Variants in SCIN observed in about 807,000 individuals in gnomAD.
SCIN encodes the protein scinderin.
In SCIN, 91 loss-of-function variants were observed where a neutral mutation model predicts 91.8. The ratio of observed to expected loss-of-function variants is 0.99; its 90% CI spans 0.84 to 1.18. The LOEUF is 1.18. SCIN is among the 50% of genes most tolerant of loss of function. The probability of loss-of-function intolerance (pLI) is 0.00; values close to 1 mark genes in which losing one functional copy is unlikely to be tolerated. For missense variants in SCIN, 1,087 were observed against 863.9 expected (o/e 1.26, Z -3.24); for synonymous variants, 367 against 312.6 (o/e 1.17, Z -1.84).
chr7:12,623,387 A>G (rs2115271610), intron 5 of SCIN, among the ~76,000 whole-genome samples: 1 of 152,318 alleles, frequency 6.6e-6, no homozygotes, highest in East Asian at 1.9e-4. Flanking sequence ...GCATTAACCT[A>G]CCTACTTCCA....
intron 4 of SCIN, among the ~76,000 whole-genome samples, chr7:12,614,298 A>G (rs908253101): frequency 6.6e-6 from 1 of 152,186 alleles, no homozygotes; most frequent in African/African-American, 2.4e-5. Flanking sequence ...CTTCTTATTA[A>G]CACAGGAATT....
At chr7:12,587,679 G>GCTAC (rs1782617922) in intron 3 of SCIN, among the ~76,000 whole-genome samples, 1 of 152,170 alleles carries the variant, frequency 6.6e-6, no homozygotes, top group Non-Finnish European at 1.5e-5. Flanking sequence ...TGGCTTGGAT[G>GCTAC]CTACCCTCAG....
Position 12,636,115 on chromosome 7 carries a change from C to T in SCIN, c.1390C>T (p.Leu464Phe). 1.9e-6 allele frequency: 3 copies of T among 1,612,806 alleles called. No individual in the cohort carries two copies. The highest frequency in any genetic ancestry group is 2.2e-5 in the South Asian group (2 of 90,694). The change falls in exon 10 of 16, where the codon CTT becomes TTT. Residue 464 changes from leucine (L) to phenylalanine (F), a missense_variant. Transcript: ENST00000297029. ...CCTGACTGTTCAGTTGGATCGGTCC[C>T]TTGGAGGACAGGCTGTGCAGGTTGG... Reference protein sequence around the residue: ...AFLTVQLDRSLGGQAVQIRVS... With the variant: ...AFLTVQLDRSFGGQAVQIRVS...
Position 12,625,818 on chromosome 7 carries a change from C to A in SCIN, c.949C>A (p.Leu317Ile), listed in dbSNP as rs758198327. The A allele has an allele frequency of 5.0e-6, 8 of 1,612,454 alleles. No individual in the cohort carries two copies. The highest frequency in any genetic ancestry group is 6.8e-6 in the Non-Finnish European group (8 of 1,178,832). The part of the protein sequence containing the change: ...KAAMKTAEEF[L>I]QQMNYSKNTQ... ...TGCAATGAAGACAGCTGAAGAATTT[C>A]TACAGCAAATGAATTATTCCAAGAA... Residue 317 changes from leucine to isoleucine, a missense_variant, in exon 7 of 16, where the codon CTA becomes ATA. Leu to Ile is a conservative substitution (Grantham distance 5, BLOSUM62 2). Transcript: ENST00000297029.
intron 4 of SCIN, among the ~76,000 whole-genome samples, chr7:12,621,977 A>T (rs903734573): frequency 6.6e-6 from 1 of 151,782 alleles, no homozygotes; most frequent in Non-Finnish European, 1.5e-5. Flanking sequence ...ACATCTTTGC[A>T]TTTTCTAAAC....
Position 12,625,966 on chromosome 7 carries a change from T to G in SCIN, c.981+116T>G, listed in dbSNP as rs1583307706. 6 of 635,868 alleles carry G rather than the reference T, an allele frequency of 9.4e-6. No individual in the cohort carries two copies. The East Asian group carries it at 1.8e-4, about 19-fold the overall frequency. The allele number at this position is 635,868 out of a possible 1,614,324, so 39.4% of individuals were successfully genotyped here. The stretch of plus-strand genomic sequence containing the variant: ...GTAACGTCTGTATGTGAAGTGATTC[T>G]CCACCTGCCTGTCTGCTGCAATCTG... On this transcript the variant is annotated intron_variant, in intron 7 of 15. Transcript: ENST00000297029.
intron 9 of SCIN, among the ~76,000 whole-genome samples, chr7:12,632,019 CTT>C (rs1234036803): frequency 6.6e-6 from 1 of 151,940 alleles, no homozygotes; most frequent in African/African-American, 2.4e-5. Flanking sequence ...AGAGGACAAA[CTT>C]TATTTTTAAG....
intron 4 of SCIN, among the ~76,000 whole-genome samples, chr7:12,621,120 A>G (rs1354910498): frequency 6.6e-6 from 1 of 152,174 alleles, no homozygotes; most frequent in Non-Finnish European, 1.5e-5. Context: ...TGATAAAGTG[A>G]ACATATTTAG....
intron 4 of SCIN, among the ~76,000 whole-genome samples, chr7:12,609,240 C>T (rs913869596): frequency 1.3e-5 from 2 of 152,070 alleles, no homozygotes; most frequent in East Asian, 1.9e-4. Context: ...CTTTTAAAAG[C>T]CCGTGTGCCT....
chr7:12,659,869 A>G lies in SCIN; in HGVS notation c.*7154A>G. 6.0e-6 allele frequency: 1 copy of G among 167,214 alleles called. No homozygotes were observed. The highest frequency in any genetic ancestry group is 1.3e-5 in the Non-Finnish European group (1 of 77,628). 10.4% of individuals were successfully genotyped at this position (167,214 alleles called of 1,614,324 possible). Reference sequence around the variant, plus strand: ...CATCCAGATGGCCTGAAGCAATTGAAGATCTACAAAAGAAGTGAAAATTAC... The same window carrying G: ...CATCCAGATGGCCTGAAGCAATTGAGGATCTACAAAAGAAGTGAAAATTAC... On this transcript the variant is annotated 3_prime_UTR_variant, in exon 16 of 16. Coordinates refer to ENST00000297029, the MANE Select transcript of SCIN (RefSeq NM_001112706.3).
intron 3 of SCIN, among the ~76,000 whole-genome samples, chr7:12,597,785 T>A (rs1412970316): frequency 3.9e-5 from 6 of 152,222 alleles, no homozygotes; most frequent in Admixed American, 3.9e-4. Flanking sequence ...ATTTCTTCCT[T>A]TTCCAATTGT....
At chr7:12,609,972 A>G (rs1783158219) in intron 4 of SCIN, among the ~76,000 whole-genome samples, 1 of 152,186 alleles carries the variant, frequency 6.6e-6, no homozygotes, top group Non-Finnish European at 1.5e-5. Flanking sequence ...GACTCTGCTT[A>G]CTTTATTGTC....
chr7:12,652,360 A>C (rs559937116), intron 15 of SCIN, among the ~76,000 whole-genome samples: 2 of 152,238 alleles, frequency 1.3e-5, no homozygotes, highest in Non-Finnish European at 2.9e-5. Flanking sequence ...CTTTCATGGC[A>C]GACGAGAGAA....
At chr7:12,625,293 C>T (rs529625479) in intron 6 of SCIN, among the ~76,000 whole-genome samples, 151 bp downstream of exon 6, 1 of 151,780 alleles carries the variant, frequency 6.6e-6, no homozygotes, top group East Asian at 1.9e-4. Context: ...CAGCCATTTT[C>T]CTCCTACCAA....
Position 12,626,569 on chromosome 7 carries a change from T to C in SCIN, c.982-15T>C. The C allele has an allele frequency of 2.0e-6, 3 of 1,492,844 alleles. No homozygotes were observed. The highest frequency in any genetic ancestry group is 2.7e-6 in the Non-Finnish European group (3 of 1,099,964). The allele number at this position is 1,492,844 out of a possible 1,614,324, so 92.5% of individuals were successfully genotyped here. A position where few individuals can be genotyped will look rare whatever the true frequency, so the allele number is the denominator to read the frequency against. On this transcript the variant is annotated splice_polypyrimidine_tract_variant and intron_variant, in intron 7 of 15. Transcript: ENST00000297029. ...TTATTTTCCTGTTTACTATTATTATTATTTTAAATTTCAGATTCAAGTTCT... is the reference window on the plus strand; with the variant it reads ...TTATTTTCCTGTTTACTATTATTATCATTTTAAATTTCAGATTCAAGTTCT...
chr7:12,611,892 C>A (rs1783199498), intron 4 of SCIN, among the ~76,000 whole-genome samples: 1 of 151,144 alleles, frequency 6.6e-6, no homozygotes, highest in Non-Finnish European at 1.5e-5. Flanking sequence ...CACTGCACTC[C>A]AGCCTGGGCA....
At position 12,651,769 on chromosome 7, in the gene SCIN, C is replaced by A. The variant is rs545115567; in HGVS notation, c.1960-72C>A. On this transcript the variant is annotated intron_variant, in intron 14 of 15. Coordinates refer to ENST00000297029, the MANE Select transcript of SCIN (RefSeq NM_001112706.3). The surrounding 1 kb of genome is among the most constrained non-coding windows in gnomAD (Gnocchi z 5.9). ...TTGAATGAGCAATGTGTGTGTGAAG[C>A]ACTTTACATAGGGCCTAGCACTGAG... 3.3e-6 allele frequency: 3 copies of A among 918,024 alleles called. No homozygotes were observed. The East Asian group carries it at 8.0e-5, about 24-fold the overall frequency. The allele number at this position is 918,024 out of a possible 1,614,324, so 56.9% of individuals were successfully genotyped here. A position where few individuals can be genotyped will look rare whatever the true frequency, so the allele number is the denominator to read the frequency against.
intron 3 of SCIN, among the ~76,000 whole-genome samples, chr7:12,586,335 A>G (rs1782585991): frequency 6.6e-6 from 1 of 152,222 alleles, no homozygotes; most frequent in Non-Finnish European, 1.5e-5. Context: ...AAAAATGCTG[A>G]ACATCACTAA....
At chr7:12,571,101 C>G in intron 1 of SCIN, 116 bp downstream of exon 1, 2 of 1,153,806 alleles carry the variant, frequency 1.7e-6, no homozygotes, top group Non-Finnish European at 2.4e-6. Flanking sequence ...GCTAGCCACT[C>G]GCGCCCCCAC....
Sources: allele counts gnomAD v4.1 joint callset (sites outside exome capture counted in the v4.1 genomes callset), GRCh38; gene constraint gnomAD v4.1.1; non-coding constraint Gnocchi (gnomAD v3.1); transcripts MANE v1.5; gene names NCBI Gene and HGNC (gene_info 2026-07-23, HGNC 2026-07-21).